Variants in SCAPER observed in about 807,000 individuals in gnomAD.
The protein encoded by SCAPER is S-phase cyclin A associated protein in the ER, also known as S phase cyclin A-associated protein in the endoplasmic reticulum.
Under a neutral mutation model 182.2 loss-of-function variants are expected in SCAPER, and 98 were observed. That is an observed-to-expected ratio of 0.54 (90% CI 0.46 to 0.64). The LOEUF is 0.64. Ranked by LOEUF, SCAPER falls within the 30% of genes least tolerant of loss-of-function variation. The pLI, the probability that SCAPER is intolerant of heterozygous loss-of-function variation, is 0.00. For synonymous variants in SCAPER, 605 were observed against 564.6 expected, an observed-to-expected ratio of 1.07 and a Z score of -1.01; for missense variants, 1,432 against 1,690.0, an observed-to-expected ratio of 0.85 and a Z score of 2.68.
chr15:76,648,200 A>C lies in SCAPER; in HGVS notation c.2645+17453T>G, dbSNP rs559544485. 6.1e-3 allele frequency among the ~76,000 whole-genome samples: 907 copies of C among 149,090 alleles called. 4 individuals are homozygous for C. The highest frequency in any genetic ancestry group is 0.021 in the African/African-American group (870 of 41,256). On this transcript the variant is annotated intron_variant, in intron 21 of 31. Transcript: ENST00000563290. ...ATTAAATGAAAACATAAAAAAAAAA[A>C]CAAGAAATATCGAGAAACTGAAACT...
chr15:76,365,701 T>C (rs539965882), intron 29 of SCAPER, among the ~76,000 whole-genome samples: 3 of 152,284 alleles, frequency 2.0e-5, no homozygotes, highest in East Asian at 1.9e-4. Context: ...TCTTTTACCA[T>C]TGGGGCTGGG....
chr15:76,443,020 C>T (rs1051804335), intron 25 of SCAPER, among the ~76,000 whole-genome samples: 12 of 152,004 alleles, frequency 7.9e-5, no homozygotes, highest in Non-Finnish European at 1.6e-4. Context: ...AGATAAACAG[C>T]GAAAGTTGGG....
At chr15:76,355,840 G>A (rs775740911) in intron 29 of SCAPER, among the ~76,000 whole-genome samples, 28 of 152,308 alleles carry the variant, frequency 1.8e-4, no homozygotes, top group Admixed American at 1.3e-3. Flanking sequence ...ATCAGCTGCC[G>A]TTTACAGAGC....
At chr15:76,633,559 C>G (rs1171949734) in intron 21 of SCAPER, among the ~76,000 whole-genome samples, 1 of 152,208 alleles carries the variant, frequency 6.6e-6, no homozygotes, top group Middle Eastern at 3.2e-3. Flanking sequence ...ATACTGCAGG[C>G]ACCCCTCCTC....
chr15:76,804,733 T>C (rs1335181194), intron 5 of SCAPER, 100 bp from the exon 6 acceptor site: 1 of 645,488 alleles, frequency 1.5e-6, no homozygotes, highest in Non-Finnish European at 2.5e-6. Context: ...AGTTTTTACA[T>C]TATACTCTTC....
intron 5 of SCAPER, among the ~76,000 whole-genome samples, chr15:76,830,891 G>A (rs2068411562): frequency 6.6e-6 from 1 of 152,002 alleles, no homozygotes. Flanking sequence ...GGCTGAAGGG[G>A]AAGGAAGCTG....
At chr15:76,816,131 C>T (rs1212812729) in intron 5 of SCAPER, among the ~76,000 whole-genome samples, 2 of 152,134 alleles carry the variant, frequency 1.3e-5, no homozygotes, top group Non-Finnish European at 2.9e-5. Context: ...GTGTATGCTG[C>T]TGAGACTTTA....
At chr15:76,520,943 G>A (rs1218995378) in intron 23 of SCAPER, among the ~76,000 whole-genome samples, 2 of 152,092 alleles carry the variant, frequency 1.3e-5, no homozygotes, top group African/African-American at 4.8e-5. Context: ...GGTCAGTGGC[G>A]GGAAGTTTTC....
At chr15:76,891,988 C>T (rs1319874235) in intron 1 of SCAPER, among the ~76,000 whole-genome samples, 1 of 152,100 alleles carries the variant, frequency 6.6e-6, no homozygotes. Context: ...ATACATAGAC[C>T]AATGGAACAG....
intron 26 of SCAPER, among the ~76,000 whole-genome samples, chr15:76,404,995 T>C (rs2044722758): frequency 6.6e-6 from 1 of 152,154 alleles, no homozygotes. Flanking sequence ...TGATTTATAA[T>C]GACCTTTATG....
intron 17 of SCAPER, among the ~76,000 whole-genome samples, chr15:76,708,845 C>T (rs1442917147): frequency 6.6e-6 from 1 of 152,112 alleles, no homozygotes; most frequent in African/African-American, 2.4e-5. Context: ...GCAGGCAGAT[C>T]ACTTGAGGTC....
intron 5 of SCAPER, among the ~76,000 whole-genome samples, chr15:76,812,515 AAGAC>A (rs1459136674): frequency 8.7e-5 from 13 of 150,208 alleles, no homozygotes; most frequent in African/African-American, 2.9e-4. Context: ...GAAAGAAAGA[AAGAC>A]AGACATCAAT....
At chr15:76,814,092 C>T (rs934747404) in intron 5 of SCAPER, among the ~76,000 whole-genome samples, 3 of 151,876 alleles carry the variant, frequency 2.0e-5, no homozygotes, top group Admixed American at 6.6e-5. Context: ...TGTTTGAACC[C>T]GGGAGGCAGA....
intron 22 of SCAPER, among the ~76,000 whole-genome samples, chr15:76,583,687 T>G (rs1448904109): frequency 6.6e-6 from 1 of 152,150 alleles, no homozygotes; most frequent in African/African-American, 2.4e-5. Context: ...ACATCATTGA[T>G]AACAGAAAAA....
At chr15:76,397,474 C>CTTTTTTT (rs71143321) in intron 27 of SCAPER, among the ~76,000 whole-genome samples, 28 of 71,540 alleles carry the variant, frequency 3.9e-4, no homozygotes, top group Non-Finnish European at 5.2e-4. Flanking sequence ...TATTGGCAGA[C>CTTTTTTT]TTTTTTTTTT....
At chr15:76,695,750 G>C (rs1339805710) in intron 20 of SCAPER, among the ~76,000 whole-genome samples, 1 of 152,006 alleles carries the variant, frequency 6.6e-6, no homozygotes, top group South Asian at 2.1e-4. Context: ...CCAAGTTACA[G>C]TGTGAAAACT....
chr15:76,707,874 C>A (rs1378759174), intron 17 of SCAPER, among the ~76,000 whole-genome samples: 4 of 149,662 alleles, frequency 2.7e-5, no homozygotes, highest in Non-Finnish European at 5.9e-5. Flanking sequence ...AATGTAAAAG[C>A]AATAAAATCA....
At chr15:76,744,850 C>T (rs565238888) in intron 15 of SCAPER, among the ~76,000 whole-genome samples, 23 of 152,214 alleles carry the variant, frequency 1.5e-4, no homozygotes, top group African/African-American at 5.5e-4. Context: ...CATTGCCATG[C>T]TATTCACAAT....
chr15:76,662,914 G>A (rs1168713006), intron 21 of SCAPER, among the ~76,000 whole-genome samples: 2 of 151,878 alleles, frequency 1.3e-5, no homozygotes, highest in African/African-American at 4.8e-5. Context: ...AGATCTCTTA[G>A]ACACACCCAG....
Sources: gnomAD v4.1 joint callset for allele counts (sites outside exome capture counted in the v4.1 genomes callset) on GRCh38, gnomAD v4.1.1 for gene constraint, MANE v1.5 for transcripts, NCBI Gene and HGNC (gene_info 2026-07-23, HGNC 2026-07-21) for gene names.